The following PRSS23 variants were observed in gnomAD, a reference collection of about 807,000 sequenced individuals.
PRSS23 encodes the protein protease, serine 23.
In PRSS23, 25 loss-of-function variants were observed where a neutral mutation model predicts 34.7. That is an observed-to-expected ratio of 0.72 (90% CI 0.53 to 1.01). PRSS23 has a LOEUF of 1.01. PRSS23 is among the 50% of genes least tolerant of loss of function. PRSS23 has a pLI of 0.00. For synonymous variants in PRSS23, 176 were observed against 186.6 expected, an observed-to-expected ratio of 0.94 and a Z score of 0.46; for missense variants, 445 against 475.6, an observed-to-expected ratio of 0.94 and a Z score of 0.60.
chr11:86,881,321 GT>G (rs1417560637), intron 2 of PRSS23, among the ~76,000 whole-genome samples: 2 of 149,278 alleles, frequency 1.3e-5, no homozygotes, highest in African/African-American at 4.9e-5. Flanking sequence ...TTTTTTGTTG[GT>G]TTTTTCTTTT....
chr11:86,838,742 C>T (rs1049121308), intron 2 of PRSS23, among the ~76,000 whole-genome samples: 29 of 152,132 alleles, frequency 1.9e-4, no homozygotes, highest in Non-Finnish European at 3.2e-4. Context: ...ACACCTCAAA[C>T]AGGTGGGTGC....
At chr11:86,888,533 A>T (rs1948820650) in intron 2 of PRSS23, among the ~76,000 whole-genome samples, 1 of 152,200 alleles carries the variant, frequency 6.6e-6, no homozygotes, top group African/African-American at 2.4e-5. Context: ...TCCCCGCCAG[A>T]AAAACATGTG....
upstream of PRSS23, chr11:86,800,436 G>A (rs976453299): frequency 9.2e-6 from 9 of 983,076 alleles, no homozygotes; most frequent in Non-Finnish European, 8.5e-6. Flanking sequence ...GCAGTGGGGC[G>A]GGCGGCGTCC....
intron 2 of PRSS23, among the ~76,000 whole-genome samples, chr11:86,938,162 C>A (rs1949177002): frequency 6.6e-6 from 1 of 152,188 alleles, no homozygotes; most frequent in Non-Finnish European, 1.5e-5. Flanking sequence ...TTGTCGAGCA[C>A]CCGAACCAGC....
chr11:86,900,781 C>CTCTCTCTCTTTTTTTTTTTTTTTTT (rs775258446), intron 2 of PRSS23, among the ~76,000 whole-genome samples: 1 of 94,020 alleles, frequency 1.1e-5, no homozygotes, highest in African/African-American at 4.5e-5. Context: ...ATCTCTCTCT[C>CTCTCTCTCTTTTTTTTTTTTTTTTT]TTTTTTTTTT....
At chr11:86,792,286 C>T (rs1166377968) in intron 1 of PRSS23, among the ~76,000 whole-genome samples, 1 of 152,218 alleles carries the variant, frequency 6.6e-6, no homozygotes, top group Non-Finnish European at 1.5e-5. Context: ...GCAGCTGCAA[C>T]TCTCCATGGA....
exon 3 of PRSS23, chr11:86,951,492 T>C (rs1177794847): frequency 6.2e-7 from 1 of 1,614,148 alleles, no homozygotes; most frequent in African/African-American, 1.3e-5. Flanking sequence ...GTCCCATCCT[T>C]TTGAAGATTT....
chr11:86,937,699 C>T (rs1224551529), intron 2 of PRSS23: 2 of 152,178 alleles, frequency 1.3e-5, no homozygotes, highest in African/African-American at 4.8e-5. Flanking sequence ...ATGAATAATC[C>T]ACCCCTTGTT....
At chr11:86,897,423 A>C (rs1035683698) in intron 2 of PRSS23, among the ~76,000 whole-genome samples, 4 of 152,132 alleles carry the variant, frequency 2.6e-5, no homozygotes, top group African/African-American at 9.7e-5. Context: ...AGTACTTGAC[A>C]CAGTGCCTGG....
intron 2 of PRSS23, among the ~76,000 whole-genome samples, chr11:86,893,875 T>TA (rs1303369734): frequency 1.4e-4 from 22 of 152,256 alleles, no homozygotes; most frequent in Admixed American, 3.9e-4. Flanking sequence ...GTACCCCACT[T>TA]ATAGAGGTCA....
Position 86,808,825 on chromosome 11 carries a change from G to A in PRSS23, c.*30G>A, listed in dbSNP as rs1802007. 1 of 1,556,068 alleles carries A rather than the reference G, an allele frequency of 6.4e-7. No homozygotes were observed. The highest frequency in any genetic ancestry group is 8.7e-7 in the Non-Finnish European group (1 of 1,148,816). ...GTGTTCCCTCCTGGCAGCAATTAAGGGTCTTCATGTTCTTATTTTAGGAGA... is the reference window on the plus strand; with the variant it reads ...GTGTTCCCTCCTGGCAGCAATTAAGAGTCTTCATGTTCTTATTTTAGGAGA... On this transcript the variant is annotated 3_prime_UTR_variant, in exon 2 of 2. Coordinates refer to ENST00000280258, the MANE Select transcript of PRSS23 (RefSeq NM_007173.6).
intron 2 of PRSS23, among the ~76,000 whole-genome samples, chr11:86,836,652 G>A (rs936931673): frequency 1.3e-5 from 2 of 152,132 alleles, no homozygotes; most frequent in Non-Finnish European, 2.9e-5. Flanking sequence ...AGGACCCCTC[G>A]AATAGTGACA....
At chr11:86,879,637 C>A (rs1270459006) in intron 2 of PRSS23, among the ~76,000 whole-genome samples, 2 of 135,852 alleles carry the variant, frequency 1.5e-5, no homozygotes, top group Non-Finnish European at 3.3e-5. Flanking sequence ...GTGAGGAGCC[C>A]CTCTGCCCGG....
intron 2 of PRSS23, chr11:86,949,715 G>C (rs1293569900): frequency 1.3e-5 from 2 of 152,654 alleles, no homozygotes; most frequent in African/African-American, 4.8e-5. Context: ...ATTAAGACCT[G>C]GGCTATTAGA....
At chr11:86,913,382 C>G (rs1250768047) in intron 2 of PRSS23, among the ~76,000 whole-genome samples, 1 of 148,652 alleles carries the variant, frequency 6.7e-6, no homozygotes, top group Non-Finnish European at 1.5e-5. Context: ...TCTCCATAGC[C>G]TTCAGGTTTG....
At chr11:86,834,605 TTCCTTTCCTA>T (rs1321515646) in intron 2 of PRSS23, among the ~76,000 whole-genome samples, 2 of 125,384 alleles carry the variant, frequency 1.6e-5, no homozygotes, top group Admixed American at 8.1e-5. Flanking sequence ...TTCCTTTCCT[TTCCTTTCCTA>T]TGACTCCGGC....
chr11:86,951,569 A>C, exon 3 of PRSS23: 1 of 1,614,150 alleles, frequency 6.2e-7, no homozygotes, highest in Non-Finnish European at 8.5e-7. Flanking sequence ...CAAATAAGTA[A>C]AGAGGGGAGC....
chr11:86,800,592 G>A lies in PRSS23; in HGVS notation c.-73G>A. On this transcript the variant is annotated 5_prime_UTR_variant, in exon 1 of 2. Transcript: ENST00000280258. Reference sequence around the variant, plus strand: ...CATGGGAGCCGCGCGCTCTCTCCCGGCGCCCACACCTGTCTGAGCGGCGCA... The same window carrying A: ...CATGGGAGCCGCGCGCTCTCTCCCGACGCCCACACCTGTCTGAGCGGCGCA... The A allele has an allele frequency of 4.1e-6, 4 of 985,090 alleles. No homozygotes were observed. The South Asian group carries it at 1.9e-4, about 46-fold the overall frequency. The allele number at this position is 985,090 out of a possible 1,614,324, so 61.0% of individuals were successfully genotyped here.
chr11:86,935,472 A>G (rs1321306842), intron 2 of PRSS23: 2 of 152,164 alleles, frequency 1.3e-5, no homozygotes, highest in Non-Finnish European at 2.9e-5. Context: ...GTCTACGTGT[A>G]TGGCATTTTT....
Sources: allele counts gnomAD v4.1 joint callset (sites outside exome capture counted in the v4.1 genomes callset), GRCh38; gene constraint gnomAD v4.1.1; transcripts MANE v1.5; gene names NCBI Gene and HGNC (gene_info 2026-07-23, HGNC 2026-07-21).